Variants in PCDHGB2 observed in about 807,000 individuals in gnomAD.
The protein encoded by PCDHGB2 is protocadherin gamma-B2.
A neutral mutation model predicts 59.3 loss-of-function variants in PCDHGB2; 55 were observed. The ratio of observed to expected loss-of-function variants is 0.93; its 90% confidence interval spans 0.75 to 1.16. The LOEUF (loss-of-function observed/expected upper bound fraction) is 1.16. Ranked by LOEUF, PCDHGB2 falls within the 50% of genes most tolerant of loss-of-function variation. The pLI, the probability that PCDHGB2 is intolerant of heterozygous loss-of-function variation, is 0.00. For synonymous variants in PCDHGB2, 516 were observed against 512.0 expected, an observed-to-expected ratio of 1.01 and a Z score of -0.11; for missense variants, 1,228 against 1,198.5, an observed-to-expected ratio of 1.02 and a Z score of -0.36.
At chr5:141,392,946 G>C (rs1175467046) in intron 1 of PCDHGB2, 11 of 1,613,940 alleles carry the variant, frequency 6.8e-6, no homozygotes, top group Non-Finnish European at 9.3e-6. Flanking sequence ...AGGCTCCTTC[G>C]TGGGTAATAT....
At chr5:141,452,106 CTCT>C (rs748460925) in intron 1 of PCDHGB2, among the ~76,000 whole-genome samples, 12 of 152,096 alleles carry the variant, frequency 7.9e-5, no homozygotes, top group South Asian at 4.1e-4. Flanking sequence ...GCTTTCTTTT[CTCT>C]TCTTATTTAT....
At chr5:141,506,699 C>T (rs758682427) in intron 3 of PCDHGB2, among the ~76,000 whole-genome samples, 2 of 152,094 alleles carry the variant, frequency 1.3e-5, no homozygotes, top group Non-Finnish European at 2.9e-5. Flanking sequence ...GACCCAAACC[C>T]GTTTTTTACT....
At chr5:141,423,163 G>A (rs758720418) in intron 1 of PCDHGB2, 2 of 1,613,480 alleles carry the variant, frequency 1.2e-6, no homozygotes, top group South Asian at 2.2e-5. Context: ...CCTCGTGGTG[G>A]CCGTCCAGGA....
At chr5:141,365,918 T>C (rs773521729) in intron 1 of PCDHGB2, 8 of 1,613,992 alleles carry the variant, frequency 5.0e-6, no homozygotes, top group Non-Finnish European at 6.8e-6. Flanking sequence ...AGACCTACAG[T>C]TGTGGGTGAC....
chr5:141,375,016 C>T (rs939863882), intron 1 of PCDHGB2: 3 of 1,613,992 alleles, frequency 1.9e-6, no homozygotes, highest in Non-Finnish European at 1.7e-6. Flanking sequence ...ACTATGAGGA[C>T]TCGAGTTTTT....
chr5:141,373,575 A>C (rs1769694796), intron 1 of PCDHGB2, among the ~76,000 whole-genome samples: 1 of 152,236 alleles, frequency 6.6e-6, no homozygotes, highest in African/African-American at 2.4e-5. Flanking sequence ...GACTAGCATA[A>C]ATGGTGGTGA....
chr5:141,427,896 C>G, intron 1 of PCDHGB2: 1 of 1,570,508 alleles, frequency 6.4e-7, no homozygotes, highest in East Asian at 2.2e-5. Context: ...CCAGGGCTCG[C>G]CCGCGCTCAG....
rs765534200 is a variant in PCDHGB2 at position 141,410,067 on chromosome 5, G to A, written c.2421+47511G>A. 8.1e-6 allele frequency: 13 copies of A among 1,612,846 alleles called. No individual in the cohort carries two copies. In the South Asian group the frequency reaches 1.3e-4, roughly 16 times the overall value. ...CCCGGACTCTTCAGCCTGGGGCTGC[G>A]CACTGGGGAGGTGCGCACGGCTCGA... is the stretch of plus-strand genomic sequence containing the variant. On this transcript the variant is annotated intron_variant, in intron 1 of 3. Transcript: ENST00000522605.
intron 1 of PCDHGB2, chr5:141,394,551 C>T: frequency 6.2e-7 from 1 of 1,614,138 alleles, no homozygotes; most frequent in Non-Finnish European, 8.5e-7. Context: ...GCTGGCGCCC[C>T]GCTCCGCAGA....
chr5:141,492,303 G>A (rs969991314), intron 1 of PCDHGB2, among the ~76,000 whole-genome samples: 1 of 152,202 alleles, frequency 6.6e-6, no homozygotes, highest in African/African-American at 2.4e-5. Context: ...GCGGACGCAC[G>A]CACGCACTCC....
intron 1 of PCDHGB2, chr5:141,394,908 G>A (rs763489153): frequency 3.1e-6 from 5 of 1,613,652 alleles, no homozygotes; most frequent in East Asian, 2.2e-5. Flanking sequence ...GGCAGTGGCT[G>A]CCATCTCCTG....
Position 141,476,140 on chromosome 5 carries a change from C to G in PCDHGB2, c.2422-18667C>G. On this transcript the variant is annotated intron_variant, in intron 1 of 3. Coordinates refer to ENST00000522605, the MANE Select transcript of PCDHGB2 (RefSeq NM_018923.3). This position sits in a 1 kb window ranked among gnomAD's most constrained non-coding sequence, Gnocchi z 7.6. ...AGATGGTCCCAGAGGCCTGGAGGAGCGGACTGGTAAGCACCGGGAGGGTAG... is the reference window on the plus strand; with the variant it reads ...AGATGGTCCCAGAGGCCTGGAGGAGGGGACTGGTAAGCACCGGGAGGGTAG... The G allele has an allele frequency of 2.5e-6, 4 of 1,609,222 alleles. No individual in the cohort carries two copies. Among genetic ancestry groups the G allele is most frequent in the Non-Finnish European group, 1.7e-6 (2 of 1,178,484 alleles).
chr5:141,456,285 G>T (rs2098848223), intron 1 of PCDHGB2, among the ~76,000 whole-genome samples: 1 of 152,134 alleles, frequency 6.6e-6, no homozygotes, highest in Non-Finnish European at 1.5e-5. Flanking sequence ...GCTGAAAAGG[G>T]GCGTCTAATG....
intron 1 of PCDHGB2, chr5:141,409,997 G>C: frequency 1.2e-6 from 2 of 1,613,224 alleles, no homozygotes; most frequent in South Asian, 2.2e-5. Context: ...CGCCGACTCG[G>C]GACACAACGC....
intron 1 of PCDHGB2, among the ~76,000 whole-genome samples, chr5:141,381,826 CTTTTTTTTTTTT>C (rs770630741): frequency 2.7e-5 from 2 of 74,284 alleles, no homozygotes; most frequent in Non-Finnish European, 4.7e-5. Flanking sequence ...CTTTCTTCTT[CTTTTTTTTTTTT>C]TTTTTTTTTT....
At chr5:141,385,414 A>G in intron 1 of PCDHGB2, 1 of 1,472,092 alleles carries the variant, frequency 6.8e-7, no homozygotes. Context: ...GAAAATAGGG[A>G]TTTAAAAAAC....
At chr5:141,419,600 G>A (rs1304962440) in intron 1 of PCDHGB2, 3 of 1,611,816 alleles carry the variant, frequency 1.9e-6, no homozygotes, top group Non-Finnish European at 2.5e-6. Context: ...AGTGCCGCGG[G>A]CCGCGCAGCC....
At position 141,491,489 on chromosome 5, in the gene PCDHGB2, A is replaced by T; in HGVS notation, c.2422-3318A>T. 1.2e-6 allele frequency: 2 copies of T among 1,614,130 alleles called. No individual in the cohort carries two copies. Among genetic ancestry groups the T allele is most frequent in the Non-Finnish European group, 1.7e-6 (2 of 1,180,018 alleles). On this transcript the variant is annotated intron_variant, in intron 1 of 3. Coordinates refer to ENST00000522605, the MANE Select transcript of PCDHGB2 (RefSeq NM_018923.3). This position sits in a 1 kb window ranked among gnomAD's most constrained non-coding sequence, Gnocchi z 6.9. ...TATAAGCAGTCCAGCCCCAACCTGC[A>T]GGTGAGCTCGGACGGCACGCTCAAG... is the stretch of plus-strand genomic sequence containing the variant.
In PCDHGB2 at chr5:141,477,556, T is replaced by C. The variant is rs2099412953; in HGVS notation, c.2422-17251T>C. On this transcript the variant is annotated intron_variant, in intron 1 of 3. Transcript: ENST00000522605. The surrounding 1 kb of genome is among the most constrained non-coding windows in gnomAD (Gnocchi z 4.9). The stretch of plus-strand genomic sequence containing the variant: ...CCGGGGCTCCAATACTAAACCTAAG[T>C]GTCTGGGACCCCGACGCCCCGCAGA... 6.2e-7 allele frequency: 1 copy of C among 1,614,164 alleles called. No homozygotes were observed. The highest frequency in any genetic ancestry group is 1.1e-5 in the South Asian group (1 of 91,086).
Sources: allele counts gnomAD v4.1 joint callset (sites outside exome capture counted in the v4.1 genomes callset), GRCh38; gene constraint gnomAD v4.1.1; non-coding constraint Gnocchi (gnomAD v3.1); transcripts MANE v1.5; gene names NCBI Gene and HGNC (gene_info 2026-07-23, HGNC 2026-07-21).